Variants in GRIP1 observed in about 807,000 individuals in gnomAD.
GRIP1 encodes glutamate receptor interacting protein 1.
In GRIP1, 45 loss-of-function variants were observed where a neutral mutation model predicts 129.9. That is an observed-to-expected ratio of 0.35 (90% confidence interval 0.27 to 0.44). The LOEUF is 0.44. Ranked by LOEUF, GRIP1 falls within the 20% of genes least tolerant of loss-of-function variation. The pLI is 1.00. For missense variants in GRIP1, 1,196 were observed against 1,396.8 expected (o/e 0.86, Z 2.29); for synonymous variants, 530 against 520.8 (o/e 1.02, Z -0.24).
At chr12:66,723,239 T>TCCCTTCCTTCCTTCCTTC (rs1555230331) in intron 1 of GRIP1, among the ~76,000 whole-genome samples, 1 of 23,600 alleles carries the variant, frequency 4.2e-5, no homozygotes, top group Non-Finnish European at 6.8e-5. Context: ...TCTCTCTCTC[T>TCCCTTCCTTCCTTCCTTC]CTTCCTTCCT....
intron 13 of GRIP1, 38 bp from the exon 14 acceptor site, chr12:66,432,666 C>T (rs1339219087): frequency 8.9e-7 from 1 of 1,129,042 alleles, no homozygotes; most frequent in East Asian, 2.3e-5. Context: ...TAATAGAACA[C>T]TGAGGACTGG....
chr12:66,687,745 C>A (rs1023105385), intron 1 of GRIP1, among the ~76,000 whole-genome samples: 1 of 152,138 alleles, frequency 6.6e-6, no homozygotes, highest in Non-Finnish European at 1.5e-5. Context: ...TTTTCTCTTG[C>A]GGACCCACTC....
upstream of GRIP1, among the ~76,000 whole-genome samples, chr12:66,680,417 C>A (rs1484800371): frequency 6.6e-6 from 1 of 152,148 alleles, no homozygotes; most frequent in African/African-American, 2.4e-5. Context: ...TCATAAGCAT[C>A]TACTTTAAAG....
intron 19 of GRIP1, among the ~76,000 whole-genome samples, chr12:66,384,101 TAG>T (rs2056247918): frequency 1.3e-5 from 2 of 152,228 alleles, no homozygotes; most frequent in Non-Finnish European, 2.9e-5. Context: ...AATGTATTAT[TAG>T]AGTTTTCAGT....
chr12:66,526,619 G>A (rs967211221), intron 5 of GRIP1, among the ~76,000 whole-genome samples: 6 of 151,980 alleles, frequency 3.9e-5, no homozygotes, highest in Non-Finnish European at 8.8e-5. Flanking sequence ...ATAGGCATGG[G>A]CAAGGACTTC....
At chr12:66,869,667 A>C (rs2040263631) in intron 1 of GRIP1, among the ~76,000 whole-genome samples, 1 of 152,122 alleles carries the variant, frequency 6.6e-6, no homozygotes, top group Non-Finnish European at 1.5e-5. Context: ...ATTGAAGACA[A>C]GTACAAACCA....
intron 1 of GRIP1, among the ~76,000 whole-genome samples, chr12:66,725,579 C>CGT (rs1409312647): frequency 6.6e-6 from 1 of 151,970 alleles, no homozygotes; most frequent in Non-Finnish European, 1.5e-5. Flanking sequence ...CATTAAATCA[C>CGT]GTGTGTGTGT....
chr12:66,644,246 C>T (rs2032175267), intron 1 of GRIP1, among the ~76,000 whole-genome samples: 1 of 152,112 alleles, frequency 6.6e-6, no homozygotes, highest in African/African-American at 2.4e-5. Context: ...TGGGTGGGGA[C>T]ACAGGGCCAA....
chr12:66,813,688 T>G (rs1027275906), intron 1 of GRIP1, among the ~76,000 whole-genome samples: 3 of 152,096 alleles, frequency 2.0e-5, no homozygotes, highest in Non-Finnish European at 1.5e-5. Context: ...ATGACAATAC[T>G]GAGTTGGCAT....
chr12:67,007,881 T>G (rs922041119), intron 1 of GRIP1, among the ~76,000 whole-genome samples: 2 of 152,040 alleles, frequency 1.3e-5, no homozygotes, highest in Admixed American at 6.6e-5. Context: ...AGGCCTACAA[T>G]GTGCATCAAC....
intron 1 of GRIP1, among the ~76,000 whole-genome samples, chr12:66,618,455 A>G (rs1273952996): frequency 1.3e-5 from 2 of 152,110 alleles, no homozygotes. Flanking sequence ...TTTTCACCAT[A>G]TATCTTCTCA....
intron 4 of GRIP1, among the ~76,000 whole-genome samples, chr12:66,534,509 G>C (rs989892324): frequency 2.0e-5 from 3 of 152,116 alleles, no homozygotes; most frequent in African/African-American, 7.2e-5. Context: ...CCCACTGGAT[G>C]CCAAGCTCCA....
At chr12:66,455,836 CCATG>C (rs1460490791) in intron 10 of GRIP1, among the ~76,000 whole-genome samples, 1 of 152,190 alleles carries the variant, frequency 6.6e-6, no homozygotes, top group Non-Finnish European at 1.5e-5. Flanking sequence ...ACAACTTTGT[CCATG>C]AACAACTCAA....
At chr12:66,661,524 A>T (rs1324272127) in intron 1 of GRIP1, among the ~76,000 whole-genome samples, 1 of 151,352 alleles carries the variant, frequency 6.6e-6, no homozygotes, top group East Asian at 1.9e-4. Context: ...ACTATTTTCA[A>T]TTTGACTTGG....
At chr12:67,002,020 C>T (rs183269287) in intron 1 of GRIP1, among the ~76,000 whole-genome samples, 48 of 151,316 alleles carry the variant, frequency 3.2e-4, no homozygotes, top group African/African-American at 1.1e-3. Context: ...GAGCTTTGCA[C>T]ATGGAAAAAG....
At chr12:67,025,886 C>A (rs1230118922) in intron 1 of GRIP1, among the ~76,000 whole-genome samples, 4 of 152,198 alleles carry the variant, frequency 2.6e-5, no homozygotes, top group Non-Finnish European at 5.9e-5. Context: ...GCTTTCTCAG[C>A]ACTTTAAAGT....
At chr12:66,353,825 CAG>C (rs904632423) in intron 23 of GRIP1, among the ~76,000 whole-genome samples, 21 of 152,262 alleles carry the variant, frequency 1.4e-4, no homozygotes, top group African/African-American at 5.1e-4. Context: ...CAGTCGTCAT[CAG>C]GGGGATATAG....
chr12:66,905,057 T>A (rs12819213), intron 1 of GRIP1, among the ~76,000 whole-genome samples: 373 of 152,178 alleles, frequency 2.5e-3, no homozygotes, highest in African/African-American at 7.2e-3. Context: ...TGAGTCTCTA[T>A]GCATGTTGAC....
upstream of GRIP1, chr12:66,804,195 A>G: frequency 4.4e-6 from 2 of 454,236 alleles, no homozygotes; most frequent in Middle Eastern, 6.5e-4. Flanking sequence ...TCTCTTACTC[A>G]CCGTGCAGCG....
Sources: gnomAD v4.1 joint callset for allele counts (sites outside exome capture counted in the v4.1 genomes callset) on GRCh38, gnomAD v4.1.1 for gene constraint, MANE v1.5 for transcripts, NCBI Gene and HGNC (gene_info 2026-07-23, HGNC 2026-07-21) for gene names.